FNBP1: variants seen among roughly 807,000 people sequenced by gnomAD.
FNBP1 encodes formin-binding protein 1.
In FNBP1, 26 loss-of-function variants were observed where a neutral mutation model predicts 90.6. That is an observed-to-expected ratio of 0.29 (90% CI 0.21 to 0.40). The LOEUF is 0.40. Among genes scored for constraint, FNBP1 ranks in the 10% least tolerant of loss-of-function variants. The pLI is 1.00. For synonymous variants in FNBP1, 260 were observed against 265.2 expected (o/e 0.98, Z 0.19); for missense variants, 635 against 768.0 (o/e 0.83, Z 2.05).
chr9:129,917,169 C>T (rs541688188), intron 10 of FNBP1, among the ~76,000 whole-genome samples: 2 of 152,072 alleles, frequency 1.3e-5, no homozygotes, highest in African/African-American at 4.8e-5. Context: ...CCTGCCACCA[C>T]GCCCAGCTAA....
chr9:129,996,768 C>T (rs1030874708), intron 1 of FNBP1, among the ~76,000 whole-genome samples: 16 of 152,076 alleles, frequency 1.1e-4, no homozygotes, highest in African/African-American at 3.4e-4. Context: ...AGTGCAATCT[C>T]AGCTTGCTGC....
Position 129,930,113 on chromosome 9 carries a change from T to C in FNBP1, c.514-418A>G, listed in dbSNP as rs536494862. Among the ~76,000 whole-genome samples, 12 of 151,384 alleles carry C rather than the reference T, an allele frequency of 7.9e-5. No homozygotes were observed. In the South Asian group the frequency reaches 2.3e-3, roughly 29 times the overall value. On this transcript the variant is annotated intron_variant, in intron 6 of 16. Transcript: ENST00000446176. ...TCTCGCTCTGTCACCCAGGCTGGAGTGCAGTGGCACGATCCTGGCTCACTG... is the reference window on the plus strand; with the variant it reads ...TCTCGCTCTGTCACCCAGGCTGGAGCGCAGTGGCACGATCCTGGCTCACTG...
intron 6 of FNBP1, among the ~76,000 whole-genome samples, chr9:129,952,477 G>A (rs1564416678): frequency 1.3e-5 from 2 of 151,872 alleles, no homozygotes; most frequent in African/African-American, 4.8e-5. Context: ...TAGCCTGGGC[G>A]ACAGAGTGAG....
In FNBP1 at chr9:130,025,225, C is replaced by T. The variant is rs1311391341; in HGVS notation, c.24+17727G>A. 7.9e-5 allele frequency among the ~76,000 whole-genome samples: 12 copies of T among 152,102 alleles called. No individual in the cohort carries two copies. The East Asian group carries it at 2.3e-3, about 29-fold the overall frequency. On this transcript the variant is annotated intron_variant, in intron 1 of 16. Transcript: ENST00000446176. Reference sequence around the variant, plus strand: ...ACATTTTTGCCTATGGAGTCACACCCAAGACATTCAATCTATGTACCGAGT... The same window carrying T: ...ACATTTTTGCCTATGGAGTCACACCTAAGACATTCAATCTATGTACCGAGT...
chr9:129,910,504 A>AAAAAAG (rs1298095363), intron 11 of FNBP1, among the ~76,000 whole-genome samples: 3,842 of 103,720 alleles, frequency 0.037, 552 homozygotes, highest in Non-Finnish European at 0.049. Context: ...AAAAAAAAAA[A>AAAAAAG]AGAGAGAGAG....
intron 6 of FNBP1, among the ~76,000 whole-genome samples, chr9:129,938,548 T>A (rs1238642871): frequency 6.6e-6 from 1 of 151,978 alleles, no homozygotes; most frequent in African/African-American, 2.4e-5. Flanking sequence ...ACTCTTTTTT[T>A]TTTTTTTGAA....
intron 1 of FNBP1, among the ~76,000 whole-genome samples, chr9:130,037,909 CACAGAGTCA>C (rs2059466260): frequency 6.6e-6 from 1 of 152,134 alleles, no homozygotes; most frequent in South Asian, 2.1e-4. Context: ...TGAACTCCTA[CACAGAGTCA>C]GGCATTGTTC....
chr9:130,044,707 G>A (rs574330674), upstream of FNBP1: 1 of 152,334 alleles, frequency 6.6e-6, no homozygotes, highest in African/African-American at 2.4e-5. Flanking sequence ...AGGCAGAAGT[G>A]AGTGGATCAT....
chr9:129,935,205 C>T (rs2043247973), intron 6 of FNBP1, among the ~76,000 whole-genome samples: 1 of 150,564 alleles, frequency 6.6e-6, no homozygotes. Context: ...CTCACTGCAG[C>T]CTCAAACTCC....
chr9:129,966,605 A>G lies in FNBP1; in HGVS notation c.346-8052T>C, dbSNP rs1230725958. Among the ~76,000 whole-genome samples the G allele has an allele frequency of 2.0e-5, 3 of 152,032 alleles. No homozygotes were observed. The highest frequency in any genetic ancestry group is 1.9e-4 in the East Asian group (1 of 5,182). ...AAATTAGCTGGGCATAGTGGCACAC[A>G]CCTGTAATCCCAGCTACTTGGGAGG... is the stretch of plus-strand genomic sequence containing the variant. On this transcript the variant is annotated intron_variant, in intron 4 of 16. Coordinates refer to ENST00000446176, the MANE Select transcript of FNBP1 (RefSeq NM_015033.3). This position sits in a 1 kb window ranked among gnomAD's most constrained non-coding sequence, Gnocchi z 4.3.
chr9:129,978,721 TC>T, intron 3 of FNBP1, 109 bp from the exon 4 acceptor site: 2 of 1,001,212 alleles, frequency 2.0e-6, no homozygotes, highest in Non-Finnish European at 2.9e-6. Flanking sequence ...GGCATCCACC[TC>T]CCATAGGATC....
intron 6 of FNBP1, among the ~76,000 whole-genome samples, chr9:129,956,833 T>C (rs1173481606): frequency 2.0e-5 from 3 of 152,212 alleles, no homozygotes; most frequent in African/African-American, 7.2e-5. Context: ...TTTATCACCC[T>C]GGTGACTCAA....
At chr9:129,977,206 T>C (rs2050466106) in intron 4 of FNBP1, among the ~76,000 whole-genome samples, 1 of 151,986 alleles carries the variant, frequency 6.6e-6, no homozygotes, top group Non-Finnish European at 1.5e-5. Context: ...ACTTTATTAC[T>C]AGTAACAAAT....
intron 12 of FNBP1, among the ~76,000 whole-genome samples, chr9:129,904,423 C>T (rs1018954785): frequency 1.3e-4 from 20 of 152,166 alleles, no homozygotes; most frequent in Admixed American, 9.8e-4. Context: ...TGGTAGGCTT[C>T]GAGTCATTAA....
intron 16 of FNBP1, chr9:129,895,264 T>C (rs2035532281): frequency 9.5e-7 from 1 of 1,057,684 alleles, no homozygotes; most frequent in African/African-American, 1.6e-5. Context: ...CACACACTTT[T>C]GGTGCCAATA....
intron 4 of FNBP1, among the ~76,000 whole-genome samples, chr9:129,972,335 T>C (rs982082281): frequency 1.3e-5 from 2 of 152,060 alleles, no homozygotes; most frequent in African/African-American, 2.4e-5. Context: ...GGTTTCCCCA[T>C]GTTGGCCAGG....
At chr9:129,973,133 C>T (rs966287516) in intron 4 of FNBP1, among the ~76,000 whole-genome samples, 5 of 152,188 alleles carry the variant, frequency 3.3e-5, no homozygotes, top group Admixed American at 1.3e-4. Context: ...TCTCGCTGCC[C>T]ACCACCAAGC....
chr9:129,895,902 A>G lies in FNBP1; in HGVS notation c.1782T>C (p.Asn594=). 1 of 1,613,622 alleles carries G rather than the reference A, an allele frequency of 6.2e-7. No homozygotes were observed. Among genetic ancestry groups the G allele is most frequent in the Non-Finnish European group, 8.5e-7 (1 of 1,179,840 alleles). ...TGGGGACATAACCCTCTTCATCTTC[A>G]TTTCTCCGAATGCGGGTCCAGCCAT... The part of the protein sequence containing the change: ...KGDGWTRIRR[N]EDEEGYVPTS... The change falls in exon 16 of 17, where the codon AAT becomes AAC. Residue 594 remains asparagine, a synonymous_variant. Coordinates refer to ENST00000446176, the MANE Select transcript of FNBP1 (RefSeq NM_015033.3).
rs1173518107 is a variant in FNBP1, at chr9:129,888,326, T to G, written c.*2213A>C. On this transcript the variant is annotated 3_prime_UTR_variant, in exon 17 of 17. Coordinates refer to ENST00000446176, the MANE Select transcript of FNBP1 (RefSeq NM_015033.3). ...CACATCCTCGTGGAGTGGAGAGTGGTCCACTTGACTTGGTGAGGTCAGAAG... is the reference window on the plus strand; with the variant it reads ...CACATCCTCGTGGAGTGGAGAGTGGGCCACTTGACTTGGTGAGGTCAGAAG... 3 of 232,536 alleles carry G rather than the reference T, an allele frequency of 1.3e-5. No individual in the cohort carries two copies. Among genetic ancestry groups the G allele is most frequent in the Non-Finnish European group, 2.5e-5 (3 of 117,686 alleles). 14.4% of individuals were successfully genotyped at this position (232,536 alleles called of 1,614,324 possible).
Sources: gnomAD v4.1 joint callset for allele counts (sites outside exome capture counted in the v4.1 genomes callset) on GRCh38, gnomAD v4.1.1 for gene constraint, Gnocchi (gnomAD v3.1) non-coding constraint, MANE v1.5 for transcripts, NCBI Gene and HGNC (gene_info 2026-07-23, HGNC 2026-07-21) for gene names.